The following NUSAP1 variants were observed in gnomAD, a reference collection of about 807,000 sequenced individuals.
NUSAP1 encodes the protein nucleolar and spindle associated protein 1.
NUSAP1 carries 32 observed loss-of-function variants against 52.8 expected under a neutral mutation model. That is an observed-to-expected ratio of 0.61 (90% CI 0.46 to 0.81). The LOEUF (loss-of-function observed/expected upper bound fraction) is 0.81, where lower values mean the gene tolerates loss of function less well. NUSAP1 is among the 40% of genes least tolerant of loss of function. The pLI, the probability that NUSAP1 is intolerant of heterozygous loss-of-function variation, is 0.00. For missense variants in NUSAP1, 499 were observed against 522.3 expected (o/e 0.96, Z 0.43); for synonymous variants, 195 against 183.1 (o/e 1.06, Z -0.52).
intron 1 of NUSAP1, among the ~76,000 whole-genome samples, chr15:41,340,207 C>A (rs533889684): frequency 1.7e-4 from 26 of 152,238 alleles, no homozygotes; most frequent in Non-Finnish European, 2.8e-4. Flanking sequence ...TGTCTTTCAA[C>A]TCATGAGTCC....
intron 1 of NUSAP1, among the ~76,000 whole-genome samples, chr15:41,336,999 CTTTTTTTTTTTT>C (rs201223527): frequency 3.0e-5 from 2 of 65,826 alleles, no homozygotes; most frequent in Non-Finnish European, 5.3e-5. Context: ...CTTTCCTTTT[CTTTTTTTTTTTT>C]TTTTTTTTTT....
At chr15:41,359,225 C>T (rs1010092315) in intron 6 of NUSAP1, among the ~76,000 whole-genome samples, 1 of 152,188 alleles carries the variant, frequency 6.6e-6, no homozygotes, top group African/African-American at 2.4e-5. Context: ...CCACCTCAGC[C>T]TCCCAAAGTG....
chr15:41,354,462 G>A (rs540084513), intron 4 of NUSAP1, among the ~76,000 whole-genome samples: 116 of 152,044 alleles, frequency 7.6e-4, no homozygotes, highest in African/African-American at 2.7e-3. Flanking sequence ...CCAAGATCGC[G>A]CCACTGCACT....
intron 8 of NUSAP1, among the ~76,000 whole-genome samples, chr15:41,373,572 C>T (rs2049799773): frequency 1.3e-5 from 2 of 150,956 alleles, no homozygotes; most frequent in African/African-American, 4.9e-5. Flanking sequence ...GCCTCAGCCT[C>T]CCGAGTAGCT....
At chr15:41,345,557 T>TAA (rs1208371283) in intron 2 of NUSAP1, 5 of 383,394 alleles carry the variant, frequency 1.3e-5, no homozygotes, top group South Asian at 9.3e-5. Context: ...CCTCCTGAGT[T>TAA]AAAGCGATTC....
Position 41,356,100 on chromosome 15 carries a change from C to T in NUSAP1, c.510C>T (p.Ser170=). Residue 170 remains serine, a synonymous_variant, in exon 5 of 11, where the codon TCC becomes TCT. Coordinates refer to ENST00000559596, the MANE Select transcript of NUSAP1 (RefSeq NM_016359.5). ...AATCTCTCTACACAGATGAGTCATC[C>T]AAACCTGGAAAAAATAAAAGAACTG... is the stretch of plus-strand genomic sequence containing the variant. ...GKKSLYTDES[S]KPGKNKRTAI... 1 of 1,608,000 alleles carries T rather than the reference C, an allele frequency of 6.2e-7. No individual in the cohort carries two copies. Among genetic ancestry groups the T allele is most frequent in the East Asian group, 2.2e-5 (1 of 44,834 alleles).
At chr15:41,368,911 G>C (rs367845361) in intron 7 of NUSAP1, among the ~76,000 whole-genome samples, 1 of 150,538 alleles carries the variant, frequency 6.6e-6, no homozygotes, top group Non-Finnish European at 1.5e-5. Flanking sequence ...TCTTTTTTTT[G>C]TTTGTTTGTT....
Position 41,351,098 on chromosome 15 carries a change from G to A in NUSAP1, c.417G>A (p.Glu139=), listed in dbSNP as rs769126935. 6.2e-7 allele frequency: 1 copy of A among 1,613,144 alleles called. No individual in the cohort carries two copies. The highest frequency in any genetic ancestry group is 1.7e-5 in the Admixed American group (1 of 59,824). The change falls in exon 4 of 11, where the codon GAG becomes GAA. Residue 139 remains glutamate, a synonymous_variant. Transcript: ENST00000559596. ...ATAKVPSPPD[E]HQEAENAVSS... ...CAAAAGTTCCTTCTCCACCAGACGA[G>A]CACCAAGAAGCTGAGAATGCTGTTT... is the stretch of plus-strand genomic sequence containing the variant.
chr15:41,377,265 T>G lies in NUSAP1; in HGVS notation c.1193T>G (p.Phe398Cys), dbSNP rs756922029. 3 of 1,537,134 alleles carry G rather than the reference T, an allele frequency of 2.0e-6. No homozygotes were observed. In the South Asian group the frequency reaches 3.7e-5, roughly 19 times the overall value. The change falls in exon 10 of 11, where the codon TTC (phenylalanine) becomes TGC (cysteine). Residue 398 changes from phenylalanine (F) to cysteine (C), a missense_variant. Coordinates refer to ENST00000559596, the MANE Select transcript of NUSAP1 (RefSeq NM_016359.5). ...YLNQHVNRIN[F>C]YKKTYKQPHL... ...AATCAACATGTCAACAGAATTAACT[T>G]CTACAAGAAAACTTACAAACAACCC...
intron 6 of NUSAP1, among the ~76,000 whole-genome samples, chr15:41,363,619 C>A (rs952874415): frequency 4.6e-5 from 7 of 151,922 alleles, no homozygotes; most frequent in African/African-American, 9.7e-5. Flanking sequence ...GCGGTCCCCC[C>A]TCTTCTGCCT....
intron 5 of NUSAP1, among the ~76,000 whole-genome samples, chr15:41,356,354 CTTT>C (rs398026995): frequency 1.6e-5 from 2 of 124,634 alleles, no homozygotes. Context: ...CTATTTCTTT[CTTT>C]TTTTTTTTTT....
chr15:41,337,931 CTTTT>C (rs757341496), intron 1 of NUSAP1, among the ~76,000 whole-genome samples: 4 of 110,932 alleles, frequency 3.6e-5, no homozygotes, highest in Admixed American at 1.0e-4. Context: ...TTTCTTTTTT[CTTTT>C]TTTTTTTTTT....
intron 10 of NUSAP1, 55 bp from the exon 11 acceptor site, chr15:41,380,038 A>T: frequency 7.7e-7 from 1 of 1,306,496 alleles, no homozygotes; most frequent in Non-Finnish European, 1.1e-6. Flanking sequence ...TAGTTGCTTT[A>T]AAGTATCTGT....
chr15:41,342,873 AAG>A (rs1237249539), intron 2 of NUSAP1, among the ~76,000 whole-genome samples: 1 of 152,132 alleles, frequency 6.6e-6, no homozygotes, highest in African/African-American at 2.4e-5. Flanking sequence ...TTTATTAAAA[AAG>A]AGATCATTAT....
intron 10 of NUSAP1, among the ~76,000 whole-genome samples, chr15:41,379,504 AG>A (rs1040903963): frequency 6.6e-6 from 1 of 152,048 alleles, no homozygotes; most frequent in Non-Finnish European, 1.5e-5. Flanking sequence ...TCAATCAGCA[AG>A]GTGTCTCCTG....
intron 2 of NUSAP1, among the ~76,000 whole-genome samples, chr15:41,344,693 C>T (rs2048495879): frequency 6.6e-6 from 1 of 152,018 alleles, no homozygotes; most frequent in African/African-American, 2.4e-5. Context: ...GTAATACCAG[C>T]ACTTCGGAAG....
chr15:41,369,645 T>G (rs144461101), intron 7 of NUSAP1, among the ~76,000 whole-genome samples: 3 of 151,310 alleles, frequency 2.0e-5, no homozygotes, highest in African/African-American at 7.3e-5. Flanking sequence ...CGAAACATTG[T>G]CTAAAAAAAA....
chr15:41,364,115 G>A (rs1479949269), intron 6 of NUSAP1, among the ~76,000 whole-genome samples: 6 of 152,082 alleles, frequency 3.9e-5, no homozygotes, highest in African/African-American at 7.2e-5. Context: ...TGCAGGTTGT[G>A]AGCCACTACA....
chr15:41,345,112 G>A (rs1374045759), intron 2 of NUSAP1, among the ~76,000 whole-genome samples: 3 of 152,154 alleles, frequency 2.0e-5, no homozygotes, highest in African/African-American at 4.8e-5. Context: ...TGATCCTCTT[G>A]CCTCACTCCC....
Sources: gnomAD v4.1 joint callset for allele counts (sites outside exome capture counted in the v4.1 genomes callset) on GRCh38, gnomAD v4.1.1 for gene constraint, MANE v1.5 for transcripts, NCBI Gene and HGNC (gene_info 2026-07-23, HGNC 2026-07-21) for gene names.